The following PRMT9 variants were observed in gnomAD, a reference collection of about 807,000 sequenced individuals.
The protein encoded by PRMT9 is protein arginine methyltransferase 9.
A neutral mutation model predicts 83.2 loss-of-function variants in PRMT9; 59 were observed. That is an observed-to-expected ratio of 0.71 (90% confidence interval 0.57 to 0.88). The LOEUF is 0.88. Ranked by LOEUF, PRMT9 falls within the 40% of genes least tolerant of loss-of-function variation. PRMT9 has a pLI of 0.00. For missense variants in PRMT9, 947 were observed against 1,021.9 expected (o/e 0.93, Z 1.00); for synonymous variants, 333 against 353.2 (o/e 0.94, Z 0.64).
chr4:147,675,647 T>C (rs1448098342), intron 2 of PRMT9, among the ~76,000 whole-genome samples: 2 of 152,176 alleles, frequency 1.3e-5, no homozygotes, highest in Non-Finnish European at 2.9e-5. Context: ...TTCCTTAAAC[T>C]GAAATTCTAA....
chr4:147,678,490 G>A (rs1736245752), intron 2 of PRMT9, among the ~76,000 whole-genome samples: 2 of 152,202 alleles, frequency 1.3e-5, no homozygotes, highest in African/African-American at 2.4e-5. Flanking sequence ...AGTATGCAGA[G>A]TTAACATAGC....
At chr4:147,679,571 A>T (rs958692216) in intron 2 of PRMT9, among the ~76,000 whole-genome samples, 2 of 152,104 alleles carry the variant, frequency 1.3e-5, no homozygotes, top group African/African-American at 4.8e-5. Context: ...AACATGGTGA[A>T]ACCCTGTCTC....
intron 1 of PRMT9, among the ~76,000 whole-genome samples, chr4:147,683,444 G>C (rs929773469): frequency 6.6e-6 from 1 of 152,214 alleles, no homozygotes; most frequent in Non-Finnish European, 1.5e-5. Flanking sequence ...AACCAGGGTA[G>C]TAAAGGGGAA....
intron 4 of PRMT9, among the ~76,000 whole-genome samples, chr4:147,672,245 CT>C (rs2126630594): frequency 6.6e-6 from 1 of 152,196 alleles, no homozygotes; most frequent in Non-Finnish European, 1.5e-5. Context: ...TGGAAGAAAA[CT>C]TTTTAAAGTC....
Position 147,670,817 on chromosome 4 carries a change from G to A in PRMT9, c.744-74C>T, listed in dbSNP as rs1439259762. On this transcript the variant is annotated intron_variant, in intron 4 of 11. Coordinates refer to ENST00000322396, the MANE Select transcript of PRMT9 (RefSeq NM_138364.4). ...TATATAAAGATGTCAAAGCTGAGAGGAGAAAGGAAGAGTATATTATAGAAA... is the reference window on the plus strand; with the variant it reads ...TATATAAAGATGTCAAAGCTGAGAGAAGAAAGGAAGAGTATATTATAGAAA... 18 of 924,024 alleles carry A rather than the reference G, an allele frequency of 1.9e-5. No homozygotes were observed. In the South Asian group the frequency reaches 2.1e-4, roughly 11 times the overall value. 57.2% of individuals were successfully genotyped at this position (924,024 alleles called of 1,614,324 possible).
At chr4:147,653,779 G>C in intron 9 of PRMT9, 73 bp downstream of exon 9, 3 of 1,033,568 alleles carry the variant, frequency 2.9e-6, no homozygotes, top group Non-Finnish European at 4.4e-6. Context: ...AGCGATTAAA[G>C]AACTTAAGGA....
intron 1 of PRMT9, among the ~76,000 whole-genome samples, chr4:147,680,799 CTTT>C (rs908747015): frequency 6.6e-6 from 1 of 152,182 alleles, no homozygotes; most frequent in African/African-American, 2.4e-5. Context: ...TGGCCCTCTT[CTTT>C]TTTCACTCAT....
intron 9 of PRMT9, 145 bp from the exon 10 acceptor site, chr4:147,643,085 C>A: frequency 1.5e-6 from 1 of 678,324 alleles, no homozygotes; most frequent in Non-Finnish European, 2.6e-6. Context: ...CATGGCGAAA[C>A]CTCATCTCTA....
chr4:147,641,905 G>A (rs760984125), intron 10 of PRMT9, among the ~76,000 whole-genome samples: 2 of 152,018 alleles, frequency 1.3e-5, no homozygotes, highest in African/African-American at 2.4e-5. Flanking sequence ...CGAGCAATCC[G>A]CCCCACCTTT....
intron 9 of PRMT9, among the ~76,000 whole-genome samples, chr4:147,649,606 G>T (rs191807586): frequency 4.1e-4 from 62 of 152,208 alleles, no homozygotes; most frequent in Middle Eastern, 6.8e-3. Context: ...GGGTTCAAGC[G>T]ATTCTCCTGC....
chr4:147,649,748 G>A (rs148183347), intron 9 of PRMT9, among the ~76,000 whole-genome samples: 2,000 of 152,118 alleles, frequency 0.013, 26 homozygotes, highest in Non-Finnish European at 0.021. Context: ...CAGGTGATCC[G>A]CCCGCCTTGG....
At position 147,638,409 on chromosome 4, in the gene PRMT9, T is replaced by C; in HGVS notation, c.*123A>G. 1.4e-6 allele frequency: 1 copy of C among 720,916 alleles called. No individual in the cohort carries two copies. The highest frequency in any genetic ancestry group is 2.4e-6 in the Non-Finnish European group (1 of 408,974). The allele number at this position is 720,916 out of a possible 1,614,324, so 44.7% of individuals were successfully genotyped here. ...TAGAATCTTTTAAAATATGCTTTAT[T>C]AATGTCAATTTTAAAAAATATTTGA... On this transcript the variant is annotated 3_prime_UTR_variant, in exon 12 of 12. Coordinates refer to ENST00000322396, the MANE Select transcript of PRMT9 (RefSeq NM_138364.4).
chr4:147,657,174 A>G (rs1017634878), intron 8 of PRMT9, among the ~76,000 whole-genome samples: 1 of 152,134 alleles, frequency 6.6e-6, no homozygotes, highest in African/African-American at 2.4e-5. Context: ...ACTAAAAGCA[A>G]TACTTTTCCA....
intron 10 of PRMT9, among the ~76,000 whole-genome samples, chr4:147,642,057 C>T (rs1487437489): frequency 6.6e-6 from 1 of 152,136 alleles, no homozygotes; most frequent in African/African-American, 2.4e-5. Context: ...CTGCTCTCTG[C>T]AGTCTGATTT....
chr4:147,673,926 C>G (rs777361564), intron 2 of PRMT9, 52 bp from the exon 3 acceptor site: 1 of 1,419,976 alleles, frequency 7.0e-7, no homozygotes, highest in Middle Eastern at 1.8e-4. Context: ...ATGCTACCAA[C>G]TGCAGTACCT....
intron 6 of PRMT9, among the ~76,000 whole-genome samples, chr4:147,667,868 A>C (rs2126622560): frequency 6.6e-6 from 1 of 152,246 alleles, no homozygotes; most frequent in Admixed American, 6.5e-5. Context: ...ACTTCACCTA[A>C]AATCAGTCAG....
chr4:147,669,098 A>AG (rs1249952136), intron 5 of PRMT9, among the ~76,000 whole-genome samples: 63 of 152,062 alleles, frequency 4.1e-4, no homozygotes, highest in African/African-American at 1.4e-3. Flanking sequence ...AAAAAAAAAA[A>AG]GTATTTTTGG....
intron 7 of PRMT9, among the ~76,000 whole-genome samples, chr4:147,658,983 T>C (rs1423779740): frequency 6.6e-6 from 1 of 151,896 alleles, no homozygotes. Context: ...ATTGAGACCA[T>C]CCTGGCTAAC....
chr4:147,673,819 G>T lies in PRMT9; in HGVS notation c.394C>A (p.Pro132Thr). Residue 132 changes from proline to threonine, a missense_variant, in exon 3 of 12, where the codon CCT (proline) becomes ACT (threonine). By Grantham distance (38) the Pro-to-Thr change is conservative (BLOSUM62 -1). Coordinates refer to ENST00000322396, the MANE Select transcript of PRMT9 (RefSeq NM_138364.4). ...GYFHKAVKLN[P>T]DFSDAKENFY... ...TTCTCCTTTGCATCACTGAAATCAG[G>T]GTTTAGCTTCACTGCTTTATGAAAA... 6.2e-7 allele frequency: 1 copy of T among 1,614,038 alleles called. No individual in the cohort carries two copies. Among genetic ancestry groups the T allele is most frequent in the South Asian group, 1.1e-5 (1 of 91,058 alleles).
Sources: allele counts gnomAD v4.1 joint callset (sites outside exome capture counted in the v4.1 genomes callset), GRCh38; gene constraint gnomAD v4.1.1; transcripts MANE v1.5; gene names NCBI Gene and HGNC (gene_info 2026-07-23, HGNC 2026-07-21).